AMZ1: variants seen among roughly 807,000 people sequenced by gnomAD.
The protein encoded by AMZ1 is archaelysin family metallopeptidase 1, also known as archaemetzincin-1.
AMZ1 carries 39 observed loss-of-function variants against 29.9 expected under a neutral mutation model. That is an observed-to-expected ratio of 1.30 (90% confidence interval 1.01 to 1.70). The LOEUF (loss-of-function observed/expected upper bound fraction) is 1.70. Ranked by LOEUF, AMZ1 falls within the 40% of genes most tolerant of loss-of-function variation. The probability of loss-of-function intolerance (pLI) is 0.00; values close to 1 mark genes in which losing one functional copy is unlikely to be tolerated. For missense variants in AMZ1, 1,041 were observed against 680.6 expected, an observed-to-expected ratio of 1.53 and a Z score of -5.89; for synonymous variants, 458 against 304.0, an observed-to-expected ratio of 1.51 and a Z score of -5.27.
At chr7:2,745,188 G>C (rs1281977381) in intron 4 of AMZ1, among the ~76,000 whole-genome samples, 1 of 152,122 alleles carries the variant, frequency 6.6e-6, no homozygotes, top group African/African-American at 2.4e-5. Context: ...GATACTCCTT[G>C]AGAAAGGCAA....
chr7:2,690,236 A>ACAGACAGACAGG (rs1182984873), intron 1 of AMZ1, among the ~76,000 whole-genome samples: 3 of 152,258 alleles, frequency 2.0e-5, no homozygotes, highest in African/African-American at 7.2e-5. Flanking sequence ...AGACAGACAG[A>ACAGACAGACAGG]CAGACAGGGT....
chr7:2,760,993 C>T (rs1791527483), upstream of AMZ1, among the ~76,000 whole-genome samples: 1 of 152,222 alleles, frequency 6.6e-6, no homozygotes, highest in Non-Finnish European at 1.5e-5. Context: ...TCTCAGTCCT[C>T]ACAGTTCATG....
chr7:2,747,434 C>T (rs1408214049), intron 4 of AMZ1, among the ~76,000 whole-genome samples: 2 of 152,242 alleles, frequency 1.3e-5, no homozygotes, highest in Non-Finnish European at 2.9e-5. Context: ...ATGACTATCT[C>T]AGTAGATGCA....
chr7:2,703,094 C>T (rs961631418), intron 3 of AMZ1, among the ~76,000 whole-genome samples: 1 of 152,216 alleles, frequency 6.6e-6, no homozygotes, highest in African/African-American at 2.4e-5. Flanking sequence ...ACCATACAGC[C>T]AGTGCCCACA....
At chr7:2,741,831 G>A (rs113568593) in intron 4 of AMZ1, among the ~76,000 whole-genome samples, 155 of 150,584 alleles carry the variant, frequency 1.0e-3, no homozygotes, top group African/African-American at 3.4e-3. Flanking sequence ...GGAGAACGCC[G>A]CAAGGATAAG....
intron 4 of AMZ1, 118 bp downstream of exon 4, chr7:2,708,834 C>A: frequency 6.7e-7 from 1 of 1,498,950 alleles, no homozygotes. Context: ...TGGAAGTCAA[C>A]ACCTGTGCAT....
chr7:2,749,209 C>A lies in AMZ1; in HGVS notation n.551-15503C>A, dbSNP rs923399401. Among the ~76,000 whole-genome samples the A allele has an allele frequency of 3.4e-4, 52 of 152,296 alleles. 1 individual carries two copies. The Middle Eastern group carries it at 0.034, about 100-fold the overall frequency. On this transcript the variant is annotated intron_variant and non_coding_transcript_variant, in intron 4 of 4. Transcript: ENST00000489665. Reference sequence around the variant, plus strand: ...TCATGCTGCTATAAAGACACATGCACACGTGTGTTTATTGCGGCACTATTC... The same window carrying A: ...TCATGCTGCTATAAAGACACATGCAAACGTGTGTTTATTGCGGCACTATTC...
upstream of AMZ1, among the ~76,000 whole-genome samples, chr7:2,686,298 C>T (rs769234739): frequency 1.8e-4 from 28 of 152,058 alleles, no homozygotes; most frequent in Non-Finnish European, 3.1e-4. Context: ...TTTGGGAGGC[C>T]GAGCTGGGAG....
chr7:2,726,673 G>A (rs975652876), intron 4 of AMZ1, among the ~76,000 whole-genome samples: 3 of 152,238 alleles, frequency 2.0e-5, no homozygotes, highest in African/African-American at 7.2e-5. Context: ...AGCCACACAT[G>A]GGCTAATGGT....
At chr7:2,689,247 C>T (rs1787237224) in intron 1 of AMZ1, among the ~76,000 whole-genome samples, 1 of 152,216 alleles carries the variant, frequency 6.6e-6, no homozygotes, top group South Asian at 2.1e-4. Flanking sequence ...GGCCAGGCAT[C>T]TGCGTGGTCA....
rs979307171 is a variant in AMZ1, at chr7:2,713,848, T to G, written c.*970T>G. On this transcript the variant is annotated 3_prime_UTR_variant, in exon 7 of 7. Transcript: ENST00000683327. ...GTGGTGATGTTTTTGGGACAGTTTC[T>G]TGGCAAAGGTGGCCGCGCTGTCAGT... The G allele has an allele frequency of 3.3e-5, 5 of 152,344 alleles. No individual in the cohort carries two copies. Among genetic ancestry groups the G allele is most frequent in the African/African-American group, 9.7e-5 (4 of 41,438 alleles). 9.4% of individuals were successfully genotyped at this position (152,344 alleles called of 1,614,324 possible). A position where few individuals can be genotyped will look rare whatever the true frequency, so the allele number is the denominator to read the frequency against.
At chr7:2,697,164 G>A (rs888206523) in intron 1 of AMZ1, among the ~76,000 whole-genome samples, 1 of 152,052 alleles carries the variant, frequency 6.6e-6, no homozygotes, top group African/African-American at 2.4e-5. Flanking sequence ...GTGCAATGGC[G>A]CAATCTCGGC....
At chr7:2,726,932 C>A (rs978451711) in intron 4 of AMZ1, among the ~76,000 whole-genome samples, 4 of 152,186 alleles carry the variant, frequency 2.6e-5, no homozygotes, top group African/African-American at 9.7e-5. Flanking sequence ...CCGCTGGTCT[C>A]CAGAGCACGT....
At chr7:2,744,528 T>C (rs1207792805) in intron 4 of AMZ1, among the ~76,000 whole-genome samples, 1 of 151,856 alleles carries the variant, frequency 6.6e-6, no homozygotes, top group Non-Finnish European at 1.5e-5. Flanking sequence ...TACGTCACCA[T>C]CATCAAAGAC....
chr7:2,682,226 C>T (rs989270012), intron 1 of AMZ1, among the ~76,000 whole-genome samples: 2 of 151,578 alleles, frequency 1.3e-5, no homozygotes, highest in Non-Finnish European at 2.9e-5. Flanking sequence ...CCCCGCTCTT[C>T]GTGCTGGGGA....
Position 2,708,584 on chromosome 7 carries a change from G to A in AMZ1, c.473-4G>A, listed in dbSNP as rs373851038. 32 of 1,612,012 alleles carry A rather than the reference G, an allele frequency of 2.0e-5. No homozygotes were observed. Among genetic ancestry groups the A allele is most frequent in the African/African-American group, 6.7e-5 (5 of 75,020 alleles). Reference sequence around the variant, plus strand: ...GACCCCATCCTCTGGCCCTCTCCCCGCAGACGGCATCCTGTCCTTCTTGAA... The same window carrying A: ...GACCCCATCCTCTGGCCCTCTCCCCACAGACGGCATCCTGTCCTTCTTGAA... On this transcript the variant is annotated splice_region_variant and splice_polypyrimidine_tract_variant and intron_variant, in intron 3 of 6. Transcript: ENST00000683327.
chr7:2,735,473 G>A (rs954178267), intron 4 of AMZ1, among the ~76,000 whole-genome samples: 1 of 152,172 alleles, frequency 6.6e-6, no homozygotes, highest in African/African-American at 2.4e-5. Flanking sequence ...GCTCCGCCCA[G>A]ATAGTACGGA....
At chr7:2,759,657 G>A (rs1791466136), upstream of AMZ1, among the ~76,000 whole-genome samples, 1 of 152,188 alleles carries the variant, frequency 6.6e-6, no homozygotes, top group Non-Finnish European at 1.5e-5. Context: ...TGTTCATGCT[G>A]TTTCACGCTG....
chr7:2,720,975 A>G (rs798550), downstream of AMZ1, among the ~76,000 whole-genome samples: 38,936 of 152,168 alleles, frequency 0.26, 5,435 homozygotes, highest in Non-Finnish European at 0.29. Flanking sequence ...CACCACGCCC[A>G]GCCCGTTATT....
Sources: allele counts gnomAD v4.1 joint callset (sites outside exome capture counted in the v4.1 genomes callset), GRCh38; gene constraint gnomAD v4.1.1; transcripts MANE v1.5; gene names NCBI Gene and HGNC (gene_info 2026-07-23, HGNC 2026-07-21).